ANKFN1: variants seen among roughly 807,000 people sequenced by gnomAD.
ANKFN1 encodes ankyrin repeat and fibronectin type III domain containing 1.
ANKFN1 carries 74 observed loss-of-function variants against 108.7 expected under a neutral mutation model. The observed-to-expected ratio is 0.68, with a 90% CI of 0.56 to 0.83. The LOEUF is 0.83. Ranked by LOEUF, ANKFN1 falls within the 40% of genes least tolerant of loss-of-function variation. The probability of loss-of-function intolerance (pLI) is 0.00; values close to 1 mark genes in which losing one functional copy is unlikely to be tolerated. For missense variants in ANKFN1, 1,505 were observed against 1,382.3 expected, an observed-to-expected ratio of 1.09 and a Z score of -1.41; for synonymous variants, 547 against 516.2, an observed-to-expected ratio of 1.06 and a Z score of -0.81.
upstream of ANKFN1, among the ~76,000 whole-genome samples, chr17:56,152,798 A>T (rs1210046351): frequency 6.6e-6 from 1 of 152,222 alleles, no homozygotes; most frequent in Non-Finnish European, 1.5e-5. Context: ...AAGCATGCAC[A>T]TAATGTGCCT....
At chr17:56,329,951 A>C (rs1478978846) in intron 4 of ANKFN1, among the ~76,000 whole-genome samples, 1 of 152,210 alleles carries the variant, frequency 6.6e-6, no homozygotes, top group African/African-American at 2.4e-5. Context: ...ACCAGGCACC[A>C]AATCTACTGG....
At position 56,515,452 on chromosome 17, in the gene ANKFN1, T is replaced by C. The variant is rs2051891466; in HGVS notation, c.*4183T>C. Among the ~76,000 whole-genome samples the C allele has an allele frequency of 6.6e-6, 1 of 152,180 alleles. No individual in the cohort carries two copies. The highest frequency in any genetic ancestry group is 2.4e-5 in the African/African-American group (1 of 41,448). ...CAAGGAAATTTTTAAAATAGCTATT[T>C]GGAAAGCAATGGTATCTCTTCATAG... On this transcript the variant is annotated 3_prime_UTR_variant, in exon 21 of 21. Transcript: ENST00000682825.
At chr17:56,161,405 C>T (rs371635916) in intron 1 of ANKFN1, among the ~76,000 whole-genome samples, 1 of 152,182 alleles carries the variant, frequency 6.6e-6, no homozygotes, top group South Asian at 2.1e-4. Flanking sequence ...TCGTATCCCA[C>T]TCTGTATTAC....
intron 8 of ANKFN1, among the ~76,000 whole-genome samples, chr17:56,437,266 A>G (rs963018928): frequency 5.3e-5 from 8 of 152,174 alleles, no homozygotes; most frequent in Non-Finnish European, 1.2e-4. Flanking sequence ...TTTCAGTAAA[A>G]CTTGAACAAT....
chr17:56,287,903 C>T (rs2044259510), intron 3 of ANKFN1, among the ~76,000 whole-genome samples: 1 of 152,062 alleles, frequency 6.6e-6, no homozygotes, highest in Non-Finnish European at 1.5e-5. Context: ...ACATAATGAT[C>T]TTTGAGTGGG....
chr17:56,153,337 G>C, upstream of ANKFN1: 1 of 704,026 alleles, frequency 1.4e-6, no homozygotes, highest in East Asian at 2.6e-5. Context: ...TCTTGACCCT[G>C]CACTGTAATC....
At chr17:56,179,948 T>C (rs1911530051) in intron 1 of ANKFN1, among the ~76,000 whole-genome samples, 1 of 152,174 alleles carries the variant, frequency 6.6e-6, no homozygotes, top group Admixed American at 6.6e-5. Context: ...TGAGCTCATC[T>C]CATAGCTTGA....
chr17:56,097,365 C>T (rs1170568666), intron 4 of ANKFN1, among the ~76,000 whole-genome samples: 1 of 152,220 alleles, frequency 6.6e-6, no homozygotes, highest in Non-Finnish European at 1.5e-5. Context: ...CAGGTTTGCC[C>T]TGCCTTAGAT....
intron 3 of ANKFN1, among the ~76,000 whole-genome samples, chr17:56,234,056 T>G (rs1916932107): frequency 6.6e-6 from 1 of 152,152 alleles, no homozygotes; most frequent in South Asian, 2.1e-4. Context: ...ATCATTAACA[T>G]TCTCATCACT....
In ANKFN1 at chr17:56,139,962, C is replaced by A. The variant is rs1907820896; in HGVS notation, c.289-87955C>A. ...AGTCCTTAACCTCTGCTCTTCTATC[C>A]CTTGGAGCAGCTGTATTACTTCTGC... On this transcript the variant is annotated intron_variant, in intron 4 of 12. Transcript: ENST00000635860. Among the ~76,000 whole-genome samples, 3 of 152,226 alleles carry A rather than the reference C, an allele frequency of 2.0e-5. No homozygotes were observed. The South Asian group carries it at 6.2e-4, about 31-fold the overall frequency.
intron 3 of ANKFN1, among the ~76,000 whole-genome samples, chr17:56,300,541 T>A (rs1446698577): frequency 6.6e-6 from 1 of 152,144 alleles, no homozygotes; most frequent in East Asian, 1.9e-4. Flanking sequence ...TTGGAGCCTT[T>A]ATAATGATAT....
intron 8 of ANKFN1, among the ~76,000 whole-genome samples, chr17:56,404,052 C>G (rs2047842690): frequency 6.6e-6 from 1 of 152,032 alleles, no homozygotes; most frequent in East Asian, 1.9e-4. Context: ...CCAAGTTTTT[C>G]CTTTATAGGT....
Position 56,397,279 on chromosome 17 carries a change from G to A in ANKFN1, c.910+22565G>A, listed in dbSNP as rs565296988. Among the ~76,000 whole-genome samples, 19 of 152,164 alleles carry A rather than the reference G, an allele frequency of 1.2e-4. No homozygotes were observed. The South Asian group carries it at 1.7e-3, about 13-fold the overall frequency. The stretch of plus-strand genomic sequence containing the variant: ...AGGATGGGCTGCCTACACATTCACC[G>A]CATCTAAATAAATAGGTTTGGAGAT... On this transcript the variant is annotated intron_variant, in intron 8 of 20. Transcript: ENST00000682825.
At chr17:56,327,426 G>A (rs550349365) in intron 4 of ANKFN1, among the ~76,000 whole-genome samples, 13 of 152,262 alleles carry the variant, frequency 8.5e-5, no homozygotes, top group African/African-American at 3.1e-4. Context: ...AGACAAAGTT[G>A]TGGCCTTGGG....
At chr17:56,099,483 T>C (rs1905597408) in intron 4 of ANKFN1, among the ~76,000 whole-genome samples, 1 of 152,182 alleles carries the variant, frequency 6.6e-6, no homozygotes, top group African/African-American at 2.4e-5. Context: ...ACCTTTAGAT[T>C]CTTCTAAGGA....
chr17:56,170,394 C>T (rs1280477159), intron 1 of ANKFN1, among the ~76,000 whole-genome samples: 1 of 152,080 alleles, frequency 6.6e-6, no homozygotes, highest in Non-Finnish European at 1.5e-5. Flanking sequence ...AGGAGGCAGA[C>T]AGGTTGCTGG....
chr17:56,446,421 C>A (rs1165277294), intron 10 of ANKFN1, among the ~76,000 whole-genome samples: 1 of 152,150 alleles, frequency 6.6e-6, no homozygotes, highest in African/African-American at 2.4e-5. Flanking sequence ...TCTCACTGTG[C>A]CCCAATTCTG....
At chr17:56,157,205 C>T (rs1244701412) in intron 1 of ANKFN1, among the ~76,000 whole-genome samples, 4 of 152,122 alleles carry the variant, frequency 2.6e-5, no homozygotes, top group Non-Finnish European at 1.5e-5. Context: ...GGACTCTGGG[C>T]ATGGTACCTG....
At chr17:56,183,166 G>A (rs58327995) in intron 1 of ANKFN1, among the ~76,000 whole-genome samples, 47,930 of 151,990 alleles carry the variant, frequency 0.32, 9,039 homozygotes, top group East Asian at 0.51. Flanking sequence ...CCCATGGATC[G>A]AGGAGTTATT....
Sources: allele counts gnomAD v4.1 joint callset (sites outside exome capture counted in the v4.1 genomes callset), GRCh38; gene constraint gnomAD v4.1.1; transcripts MANE v1.5; gene names NCBI Gene and HGNC (gene_info 2026-07-23, HGNC 2026-07-21).